The following ZNF423 variants were observed in gnomAD, a reference collection of about 807,000 sequenced individuals.
The protein encoded by ZNF423 is zinc finger protein 423.
A neutral mutation model predicts 95.8 loss-of-function variants in ZNF423; 12 were observed. That is an observed-to-expected ratio of 0.13 (90% CI 0.08 to 0.20). The LOEUF (loss-of-function observed/expected upper bound fraction) is 0.20. ZNF423 is among the 10% of genes least tolerant of loss of function. The pLI is 1.00. For missense variants in ZNF423, 1,316 were observed against 1,737.1 expected (o/e 0.76, Z 4.31); for synonymous variants, 749 against 711.9 (o/e 1.05, Z -0.83).
chr16:49,519,077 C>A (rs1371921913), intron 7 of ZNF423, among the ~76,000 whole-genome samples: 1 of 152,138 alleles, frequency 6.6e-6, no homozygotes, highest in Non-Finnish European at 1.5e-5. Context: ...AAAAACAAAA[C>A]AAGATTCATT....
At chr16:49,798,733 T>G (rs558924527) in intron 1 of ZNF423, among the ~76,000 whole-genome samples, 1 of 152,190 alleles carries the variant, frequency 6.6e-6, no homozygotes, top group Non-Finnish European at 1.5e-5. Context: ...ATTTTGGCAA[T>G]GCTTGACTTT....
intron 3 of ZNF423, among the ~76,000 whole-genome samples, chr16:49,681,596 C>T (rs2031358770): frequency 6.6e-6 from 1 of 152,174 alleles, no homozygotes; most frequent in Non-Finnish European, 1.5e-5. Context: ...ATCGTTTCAC[C>T]ACGATATCAG....
intron 1 of ZNF423, among the ~76,000 whole-genome samples, chr16:49,799,111 C>T (rs1471367559): frequency 6.6e-6 from 1 of 152,108 alleles, no homozygotes; most frequent in Non-Finnish European, 1.5e-5. Context: ...CCCAAGTGAT[C>T]ACTTGCAGGC....
At chr16:49,621,417 T>C (rs1435598489) in intron 5 of ZNF423, among the ~76,000 whole-genome samples, 1 of 152,096 alleles carries the variant, frequency 6.6e-6, no homozygotes, top group African/African-American at 2.4e-5. Flanking sequence ...TGGGAAAATG[T>C]TTCCAAGGAG....
At chr16:49,531,002 G>A (rs541118933) in intron 5 of ZNF423, among the ~76,000 whole-genome samples, 4 of 152,316 alleles carry the variant, frequency 2.6e-5, no homozygotes, top group African/African-American at 7.2e-5. Flanking sequence ...GCCGCCCTCC[G>A]CATCTCCATG....
chr16:49,630,751 G>A (rs1972468717), intron 4 of ZNF423, among the ~76,000 whole-genome samples: 1 of 152,030 alleles, frequency 6.6e-6, no homozygotes, highest in Admixed American at 6.5e-5. Context: ...ACATCCCCAG[G>A]GGCTTGGGCA....
chr16:49,672,799 C>T (rs2030873465), intron 3 of ZNF423, among the ~76,000 whole-genome samples: 2 of 152,108 alleles, frequency 1.3e-5, no homozygotes, highest in African/African-American at 2.4e-5. Context: ...GTCTGGGCGA[C>T]AGAGTGAAAC....
chr16:49,614,103 T>TA (rs2151848027), intron 5 of ZNF423, among the ~76,000 whole-genome samples: 1 of 152,154 alleles, frequency 6.6e-6, no homozygotes, highest in South Asian at 2.1e-4. Flanking sequence ...AACTAAATGG[T>TA]AAAAAAGCAA....
chr16:49,856,260 C>G (rs1391132670), upstream of ZNF423: 1 of 145,772 alleles, frequency 6.9e-6, no homozygotes, highest in East Asian at 2.0e-4. Context: ...CTCCTCCGCC[C>G]CTTGCCGGAT....
intron 2 of ZNF423, among the ~76,000 whole-genome samples, chr16:49,776,965 G>A (rs1041680635): frequency 5.9e-5 from 9 of 152,258 alleles, no homozygotes; most frequent in Admixed American, 2.0e-4. Context: ...ATGAGTGAAT[G>A]CTGCATATGT....
chr16:49,857,038 C>T (rs2144148105), upstream of ZNF423, among the ~76,000 whole-genome samples: 2 of 150,134 alleles, frequency 1.3e-5, no homozygotes, highest in East Asian at 2.0e-4. This position sits in a 1 kb window ranked among gnomAD's most constrained non-coding sequence, Gnocchi z 6.2. Context: ...GCGCTCCTGT[C>T]TTCTTTGTGG....
intron 1 of ZNF423, among the ~76,000 whole-genome samples, chr16:49,826,177 A>G (rs1251438386): frequency 6.6e-6 from 1 of 152,128 alleles, no homozygotes; most frequent in African/African-American, 2.4e-5. Flanking sequence ...GTACCACTGC[A>G]CTCCAGCCTG....
chr16:49,565,257 C>T (rs1970153547), intron 5 of ZNF423, among the ~76,000 whole-genome samples: 2 of 152,192 alleles, frequency 1.3e-5, no homozygotes, highest in Admixed American at 6.5e-5. Flanking sequence ...CCCACACCTA[C>T]GAAACACGTG....
At chr16:49,744,294 G>C (rs1035445817) in intron 2 of ZNF423, among the ~76,000 whole-genome samples, 6 of 152,258 alleles carry the variant, frequency 3.9e-5, no homozygotes, top group African/African-American at 1.4e-4. Context: ...AGAGGTCCGA[G>C]AAGCCTCAGC....
chr16:49,634,995 T>C (rs957058573), intron 4 of ZNF423, among the ~76,000 whole-genome samples: 3 of 152,202 alleles, frequency 2.0e-5, no homozygotes, highest in Admixed American at 6.5e-5. Context: ...CAGGGAAAAT[T>C]TGATGAACGA....
At chr16:49,693,437 A>C (rs1326098873) in intron 3 of ZNF423, among the ~76,000 whole-genome samples, 1 of 152,220 alleles carries the variant, frequency 6.6e-6, no homozygotes, top group Non-Finnish European at 1.5e-5. Flanking sequence ...TTATGCGTGA[A>C]TAAGGTTCAA....
In ZNF423 at chr16:49,795,813, C is replaced by T. The variant is rs541235609; in HGVS notation, c.41-6267G>A. ...TCTGGACAAGGGCTGCTGCAGAAAG[C>T]CCTTCAAAGGAGCACCCGAACACAT... On this transcript the variant is annotated intron_variant, in intron 1 of 7. Transcript: ENST00000563137. Among the ~76,000 whole-genome samples the T allele has an allele frequency of 2.6e-5, 4 of 152,320 alleles. No homozygotes were observed. In the East Asian group the frequency reaches 7.7e-4, roughly 29 times the overall value.
At chr16:49,615,161 C>CACACACACACACACACAT (rs1363843173) in intron 5 of ZNF423, among the ~76,000 whole-genome samples, 407 of 151,846 alleles carry the variant, frequency 2.7e-3, no homozygotes, top group African/African-American at 9.4e-3. Context: ...CACACACACA[C>CACACACACACACACACAT]ACACGGGGCA....
chr16:49,666,577 G>A (rs933839573), intron 3 of ZNF423, among the ~76,000 whole-genome samples: 1 of 152,170 alleles, frequency 6.6e-6, no homozygotes, highest in Non-Finnish European at 1.5e-5. Flanking sequence ...CATATGCATG[G>A]TTATACTCAA....
Sources: allele counts gnomAD v4.1 joint callset (sites outside exome capture counted in the v4.1 genomes callset), GRCh38; gene constraint gnomAD v4.1.1; non-coding constraint Gnocchi (gnomAD v3.1); transcripts MANE v1.5; gene names NCBI Gene and HGNC (gene_info 2026-07-23, HGNC 2026-07-21).